The following ECD variants were observed in gnomAD, a reference collection of about 807,000 sequenced individuals.
The protein encoded by ECD is ecdysoneless cell cycle regulator.
In ECD, 59 loss-of-function variants were observed where a neutral mutation model predicts 77.2. That is an observed-to-expected ratio of 0.76 (90% CI 0.62 to 0.95). The LOEUF (loss-of-function observed/expected upper bound fraction) is 0.95. Among genes scored for constraint, ECD ranks in the 40% least tolerant of loss-of-function variants. The probability of loss-of-function intolerance (pLI) is 0.00; values close to 1 mark genes in which losing one functional copy is unlikely to be tolerated. For missense variants in ECD, 704 were observed against 763.4 expected (o/e 0.92, Z 0.92); for synonymous variants, 233 against 267.4 (o/e 0.87, Z 1.26).
intron 6 of ECD, 96 bp from the exon 7 acceptor site, chr10:73,152,517 G>A: frequency 1.4e-6 from 2 of 1,385,212 alleles, no homozygotes. Context: ...CCATTTATAA[G>A]CTTCATATTC....
At chr10:73,161,860 A>G (rs893016265) in intron 2 of ECD, among the ~76,000 whole-genome samples, 1 of 152,246 alleles carries the variant, frequency 6.6e-6, no homozygotes, top group Non-Finnish European at 1.5e-5. Context: ...TATTCCTGGG[A>G]TGCAAGGATG....
rs971099294 is a variant in ECD, at chr10:73,146,216, A to T, written c.1127+60T>A. 320 of 817,362 alleles carry T rather than the reference A, an allele frequency of 3.9e-4. 1 individual carries two copies. Among genetic ancestry groups the T allele is most frequent in the African/African-American group, 2.9e-3 (161 of 55,294 alleles). 50.6% of individuals were successfully genotyped at this position (817,362 alleles called of 1,614,324 possible). A position where few individuals can be genotyped will look rare whatever the true frequency, so the allele number is the denominator to read the frequency against. On this transcript the variant is annotated intron_variant, in intron 9 of 13. Coordinates refer to ENST00000372979, the MANE Select transcript of ECD (RefSeq NM_007265.3). ...AATAAGAATAATAAATAATAAATAAAAAATAAAAAGAACTACCTAAATACC... is the reference window on the plus strand; with the variant it reads ...AATAAGAATAATAAATAATAAATAATAAATAAAAAGAACTACCTAAATACC...
rs567687425 is a variant in ECD, at chr10:73,156,440, T to C, written c.425A>G (p.His142Arg). The C allele has an allele frequency of 2.4e-5, 38 of 1,608,936 alleles. No individual in the cohort carries two copies. The South Asian group carries it at 2.8e-4, about 12-fold the overall frequency. The change falls in exon 5 of 14, where the codon CAT becomes CGT. Residue 142 changes from histidine (H) to arginine (R), a missense_variant. Physicochemically the swap from His to Arg is conservative, Grantham distance 29 (BLOSUM62 0). Around this residue, in one of 3 missense-constraint regions of ECD, gnomAD observed 559 missense variants for 583.7 expected, o/e 0.96. Coordinates refer to ENST00000372979, the MANE Select transcript of ECD (RefSeq NM_007265.3). ...TGCAGGGATAATACACAATTCCCCA[T>C]GGCAGAAAAATACCTGCAAACGGTA... ...ENSTNRVFFC[H>R]GELCIIPAPR...
intron 9 of ECD, among the ~76,000 whole-genome samples, chr10:73,139,955 A>T (rs986967958): frequency 1.3e-5 from 2 of 150,924 alleles, no homozygotes; most frequent in Admixed American, 1.3e-4. Flanking sequence ...AGTAGCCAGC[A>T]CTACAAGTAC....
chr10:73,134,847 A>C, intron 13 of ECD, 34 bp from the exon 14 acceptor site: 1 of 1,566,114 alleles, frequency 6.4e-7, no homozygotes, highest in African/African-American at 1.4e-5. Context: ...ATTATGGGCT[A>C]ATGTATCATT....
chr10:73,138,051 T>C lies in ECD; in HGVS notation c.1441A>G (p.Ile481Val), dbSNP rs779579226. The change falls in exon 12 of 14, where the codon ATC (isoleucine) becomes GTC (valine). Residue 481 changes from isoleucine (I) to valine (V), a missense_variant. Around this residue, in one of 3 missense-constraint regions of ECD, gnomAD observed 559 missense variants for 583.7 expected, o/e 0.96. Coordinates refer to ENST00000372979, the MANE Select transcript of ECD (RefSeq NM_007265.3). ...ELPREPSEAP[I>V]TFDADSFLNY... is the part of the protein sequence containing the mutation. ...AGAAAAGAATCTGCATCAAAAGTGA[T>C]TGGAGCCTCAGAAGGTTCTCTGCAA... is the stretch of plus-strand genomic sequence containing the variant. 12 of 1,599,002 alleles carry C rather than the reference T, an allele frequency of 7.5e-6. No homozygotes were observed. The highest frequency in any genetic ancestry group is 2.3e-5 in the South Asian group (2 of 87,584).
intron 1 of ECD, among the ~76,000 whole-genome samples, chr10:73,166,966 A>T (rs1314303180): frequency 6.6e-6 from 1 of 152,140 alleles, no homozygotes; most frequent in African/African-American, 2.4e-5. Context: ...TAAGTCTCTA[A>T]TCCATTTTGA....
chr10:73,160,907 G>GTA (rs1382897777), intron 2 of ECD, among the ~76,000 whole-genome samples: 1 of 152,208 alleles, frequency 6.6e-6, no homozygotes, highest in African/African-American at 2.4e-5. Flanking sequence ...TATAGAGTAT[G>GTA]TATGTATAGA....
rs780604680 is a variant in ECD at position 73,139,484 on chromosome 10, A to G, written c.1246T>C (p.Leu416=). The G allele has an allele frequency of 6.2e-7, 1 of 1,613,154 alleles. No individual in the cohort carries two copies. The change falls in exon 11 of 14, where the codon TTA becomes CTA. Residue 416 remains leucine, a synonymous_variant. Transcript: ENST00000372979. The part of the protein sequence containing the change: ...NLPPEDDDQW[L]DLSPDQLDQL... ...TCCAGCTGATCTGGTGAGAGATCTA[A>G]CCACTGGTCATCTGAAAAAGAAGAA... is the stretch of plus-strand genomic sequence containing the variant.
rs774394719 is a variant in ECD, at chr10:73,152,406, AT to A, written c.798del (p.Lys266AsnfsTer37). 6.2e-7 allele frequency: 1 copy of A among 1,613,328 alleles called. No homozygotes were observed. The highest frequency in any genetic ancestry group is 8.5e-7 in the Non-Finnish European group (1 of 1,179,422). ...TRIMTSVTFT[K>X]CLYAQLVQQR... ...TGTTGCACCAATTGTGCATATAGAC[AT>A]TTAGTGAATGTGACCTGGGCATCAA... On this transcript the variant is annotated frameshift_variant, in exon 7 of 14. Transcript: ENST00000372979. LOFTEE classifies it high-confidence loss of function.
chr10:73,163,461 G>A (rs933695066), intron 2 of ECD, among the ~76,000 whole-genome samples: 1 of 152,124 alleles, frequency 6.6e-6, no homozygotes, highest in African/African-American at 2.4e-5. Flanking sequence ...ATGGCATAGT[G>A]TAGTAACTAA....
intron 9 of ECD, among the ~76,000 whole-genome samples, chr10:73,144,009 A>G (rs1400038280): frequency 6.6e-6 from 1 of 152,118 alleles, no homozygotes; most frequent in Non-Finnish European, 1.5e-5. Context: ...TGCTATTGAT[A>G]TTTACTGGAT....
chr10:73,168,047 C>T (rs1232107535), upstream of ECD: 1 of 455,694 alleles, frequency 2.2e-6, no homozygotes, highest in African/African-American at 2.1e-5. Flanking sequence ...CCCACTCAGT[C>T]CCCGAAACCT....
At chr10:73,152,228 C>A in intron 7 of ECD, 65 bp downstream of exon 7, 1 of 1,550,634 alleles carries the variant, frequency 6.4e-7, no homozygotes, top group South Asian at 1.2e-5. Context: ...GTATATTGTG[C>A]CACTATTCTA....
chr10:73,143,752 A>G (rs7068590), intron 9 of ECD, among the ~76,000 whole-genome samples: 23,227 of 147,512 alleles, frequency 0.16, 3,018 homozygotes, highest in African/African-American at 0.34. Context: ...ACCCTGTTGT[A>G]CTATCAAATA....
At chr10:73,154,560 G>C in intron 5 of ECD, 112 bp from the exon 6 acceptor site, 1 of 994,000 alleles carries the variant, frequency 1.0e-6, no homozygotes, top group Non-Finnish European at 1.4e-6. Context: ...AGTACGTAGA[G>C]AGTGACAAGA....
chr10:73,138,867 C>T (rs978563446), intron 11 of ECD, among the ~76,000 whole-genome samples: 3 of 152,034 alleles, frequency 2.0e-5, no homozygotes, highest in South Asian at 2.1e-4. Flanking sequence ...GCCCAGCCTA[C>T]AAGTAATAAT....
At position 73,137,987 on chromosome 10, in the gene ECD, T is replaced by C. The variant is rs1344682345; in HGVS notation, c.1489+16A>G. Reference sequence around the variant, plus strand: ...AACAGTTTCAAAATGAAAGTCAACATCACACCACTACTTACCTAAAATCTT... The same window carrying C: ...AACAGTTTCAAAATGAAAGTCAACACCACACCACTACTTACCTAAAATCTT... On this transcript the variant is annotated intron_variant, in intron 12 of 13. Coordinates refer to ENST00000372979, the MANE Select transcript of ECD (RefSeq NM_007265.3). 5.8e-6 allele frequency: 9 copies of C among 1,563,916 alleles called. No homozygotes were observed. The highest frequency in any genetic ancestry group is 1.4e-5 in the African/African-American group (1 of 71,484).
intron 9 of ECD, among the ~76,000 whole-genome samples, chr10:73,143,090 T>G (rs1188114183): frequency 6.6e-6 from 1 of 152,234 alleles, no homozygotes; most frequent in Non-Finnish European, 1.5e-5. Flanking sequence ...ATATCCCCAG[T>G]ACCTGGAATA....
Sources: gnomAD v4.1 joint callset for allele counts (sites outside exome capture counted in the v4.1 genomes callset) on GRCh38, gnomAD v4.1.1 for gene constraint, gnomAD v4.1.1 regional missense constraint, MANE v1.5 for transcripts, NCBI Gene and HGNC (gene_info 2026-07-23, HGNC 2026-07-21) for gene names.